Variants in TAOK1 observed in about 807,000 individuals in gnomAD.
The protein encoded by TAOK1 is TAO kinase 1.
TAOK1 carries 21 observed loss-of-function variants against 138.3 expected under a neutral mutation model. The observed-to-expected ratio is 0.15, with a 90% CI of 0.11 to 0.22. The LOEUF (loss-of-function observed/expected upper bound fraction) is 0.22. TAOK1 is among the 10% of genes least tolerant of loss of function. TAOK1 has a pLI of 1.00. For missense variants in TAOK1, 651 were observed against 1,227.7 expected (o/e 0.53, Z 7.02); for synonymous variants, 361 against 398.4 (o/e 0.91, Z 1.12).
chr17:29,441,363 A>G (rs2029936674), intron 1 of TAOK1, among the ~76,000 whole-genome samples: 1 of 152,170 alleles, frequency 6.6e-6, no homozygotes, highest in African/African-American at 2.4e-5. Flanking sequence ...TGTAGAAGTC[A>G]TGAGTGAAGC....
intron 17 of TAOK1, among the ~76,000 whole-genome samples, chr17:29,525,508 G>A (rs1461482944): frequency 1.3e-5 from 2 of 151,426 alleles, no homozygotes; most frequent in African/African-American, 4.9e-5. Context: ...AGGATCAAGC[G>A]ATTCTCATGC....
rs765529430 is a variant in TAOK1, at chr17:29,517,481, A to G, written c.1733A>G (p.Lys578Arg). 3.7e-6 allele frequency: 6 copies of G among 1,613,792 alleles called. No individual in the cohort carries two copies. The highest frequency in any genetic ancestry group is 5.1e-6 in the Non-Finnish European group (6 of 1,180,008). Residue 578 changes from lysine (K) to arginine (R), a missense_variant, in exon 16 of 20, where the codon AAA becomes AGA. By Grantham distance (26) the Lys-to-Arg change is conservative (BLOSUM62 2). Coordinates refer to ENST00000261716, the MANE Select transcript of TAOK1 (RefSeq NM_020791.4). ...EELNENQSTP[K>R]KEKQEWLSKQ... is the part of the protein sequence containing the mutation. ...CTAAATGAAAACCAGAGTACCCCCA[A>G]AAAAGAAAAACAGGAGTGGCTTTCA...
At chr17:29,397,641 T>C (rs555900007) in intron 1 of TAOK1, among the ~76,000 whole-genome samples, 16 of 139,822 alleles carry the variant, frequency 1.1e-4, no homozygotes, top group African/African-American at 2.2e-4. Flanking sequence ...CATGTATACA[T>C]GTATATATGT....
intron 2 of TAOK1, among the ~76,000 whole-genome samples, chr17:29,461,180 A>G (rs747776760): frequency 6.6e-6 from 1 of 152,210 alleles, no homozygotes; most frequent in Non-Finnish European, 1.5e-5. Flanking sequence ...TGGATTAGAA[A>G]AAAAAAGCCT....
At chr17:29,469,039 T>G (rs147395170) in intron 3 of TAOK1, among the ~76,000 whole-genome samples, 8 of 152,314 alleles carry the variant, frequency 5.3e-5, no homozygotes, top group African/African-American at 1.9e-4. Context: ...TCAGATTATA[T>G]TCTACCTAAT....
intron 2 of TAOK1, among the ~76,000 whole-genome samples, chr17:29,458,539 C>T (rs1487145006): frequency 1.3e-5 from 2 of 152,130 alleles, no homozygotes; most frequent in African/African-American, 4.8e-5. Context: ...GCTCTCTTAC[C>T]CAGGCTGGAG....
Position 29,459,912 on chromosome 17 carries a change from T to C in TAOK1, c.133-7233T>C, listed in dbSNP as rs143325649. On this transcript the variant is annotated intron_variant, in intron 2 of 19. Transcript: ENST00000261716. ...TTTCTCCACATCCTCACTAGTCATA[T>C]TATTTGTACTTACCTGGGCTTTTCA... Among the ~76,000 whole-genome samples the C allele has an allele frequency of 2.0e-4, 31 of 152,292 alleles. 1 individual carries two copies. The East Asian group carries it at 4.6e-3, about 23-fold the overall frequency.
At chr17:29,394,365 C>T (rs2153019425) in intron 1 of TAOK1, among the ~76,000 whole-genome samples, 1 of 151,942 alleles carries the variant, frequency 6.6e-6, no homozygotes, top group East Asian at 1.9e-4. Flanking sequence ...CGGGGTTTCA[C>T]TGTGTTAGCC....
intron 10 of TAOK1, among the ~76,000 whole-genome samples, chr17:29,493,040 C>T (rs1567733941): frequency 6.6e-6 from 1 of 151,676 alleles, no homozygotes; most frequent in Non-Finnish European, 1.5e-5. Context: ...ACTCAGGAGG[C>T]GGAGGCACAA....
chr17:29,474,030 C>T (rs939810330), intron 3 of TAOK1, among the ~76,000 whole-genome samples: 9 of 152,084 alleles, frequency 5.9e-5, no homozygotes, highest in Non-Finnish European at 1.2e-4. Context: ...GCTACCGTGC[C>T]GGCCTACCTT....
rs541008847 is a variant in TAOK1 at position 29,544,661 on chromosome 17, GT to G, written c.*1641del. 1.1e-3 allele frequency: 174 copies of G among 152,320 alleles called. No individual in the cohort carries two copies. The highest frequency in any genetic ancestry group is 4.1e-3 in the African/African-American group (169 of 41,572). The allele number at this position is 152,320 out of a possible 1,614,324, so 9.4% of individuals were successfully genotyped here. A position where few individuals can be genotyped will look rare whatever the true frequency, so the allele number is the denominator to read the frequency against. On this transcript the variant is annotated 3_prime_UTR_variant, in exon 20 of 20. Coordinates refer to ENST00000261716, the MANE Select transcript of TAOK1 (RefSeq NM_020791.4). ...TTTCCATTTCTTGTATATAAATTGT[GT>G]TGGAGGTGGGTAGGAAGCTGTGAGT...
chr17:29,514,454 G>T (rs2031778026), intron 15 of TAOK1: 1 of 152,092 alleles, frequency 6.6e-6, no homozygotes, highest in South Asian at 2.1e-4. Flanking sequence ...TTACCTCCCA[G>T]GCTGAAGCAG....
chr17:29,406,693 C>G (rs1306378647), intron 1 of TAOK1, among the ~76,000 whole-genome samples: 3 of 151,896 alleles, frequency 2.0e-5, no homozygotes, highest in Non-Finnish European at 4.4e-5. Flanking sequence ...TACCCACCCC[C>G]CCAACTAAGC....
intron 2 of TAOK1, among the ~76,000 whole-genome samples, chr17:29,464,800 G>C (rs1222576064): frequency 2.0e-5 from 3 of 150,046 alleles, no homozygotes; most frequent in Non-Finnish European, 3.0e-5. Context: ...TCATGTAGCA[G>C]AACACAGATA....
chr17:29,467,238 T>C (rs769698909), intron 3 of TAOK1, 22 bp downstream of exon 3: 11 of 1,485,252 alleles, frequency 7.4e-6, no homozygotes, highest in Non-Finnish European at 1.0e-5. Flanking sequence ...ATGTACATTC[T>C]TGTTTTTTTC....
intron 1 of TAOK1, among the ~76,000 whole-genome samples, chr17:29,438,212 G>A (rs140946111): frequency 2.6e-5 from 4 of 151,674 alleles, no homozygotes; most frequent in East Asian, 1.9e-4. Flanking sequence ...TTTATTTTTC[G>A]AATGTTCCAA....
intron 8 of TAOK1, among the ~76,000 whole-genome samples, chr17:29,483,414 A>G (rs996675246): frequency 6.6e-6 from 1 of 152,198 alleles, no homozygotes; most frequent in Non-Finnish European, 1.5e-5. Flanking sequence ...GATGGAAAAT[A>G]ATACATTAAA....
intron 2 of TAOK1, among the ~76,000 whole-genome samples, chr17:29,465,387 C>T (rs753058702): frequency 6.6e-6 from 1 of 151,754 alleles, no homozygotes; most frequent in Non-Finnish European, 1.5e-5. Flanking sequence ...CCTGACCTCG[C>T]AATCCGCGCG....
At chr17:29,495,427 G>A in intron 10 of TAOK1, 133 bp from the exon 11 acceptor site, 1 of 630,270 alleles carries the variant, frequency 1.6e-6, no homozygotes, top group Non-Finnish European at 2.4e-6. Flanking sequence ...ATAAATAGAA[G>A]AAATTTAACA....
Sources: allele counts gnomAD v4.1 joint callset (sites outside exome capture counted in the v4.1 genomes callset), GRCh38; gene constraint gnomAD v4.1.1; transcripts MANE v1.5; gene names NCBI Gene and HGNC (gene_info 2026-07-23, HGNC 2026-07-21).